The following PCDHGB1 variants were observed in gnomAD, a reference collection of about 807,000 sequenced individuals.
PCDHGB1 encodes protocadherin gamma subfamily B, 1.
A neutral mutation model predicts 56.6 loss-of-function variants in PCDHGB1; 34 were observed. That is an observed-to-expected ratio of 0.60 (90% CI 0.46 to 0.80). The LOEUF is 0.80. Among genes scored for constraint, PCDHGB1 ranks in the 30% least tolerant of loss-of-function variants. The pLI is 0.00. For missense variants in PCDHGB1, 1,278 were observed against 1,204.6 expected, an observed-to-expected ratio of 1.06 and a Z score of -0.90; for synonymous variants, 561 against 505.9, an observed-to-expected ratio of 1.11 and a Z score of -1.46.
intron 1 of PCDHGB1, chr5:141,424,778 T>G (rs1009835492): frequency 1.3e-5 from 2 of 152,166 alleles, no homozygotes; most frequent in African/African-American, 4.8e-5. Flanking sequence ...AATAGTACAT[T>G]CAGTTCTTTT....
intron 1 of PCDHGB1, chr5:141,364,669 A>T (rs1763470346): frequency 1.9e-6 from 3 of 1,613,898 alleles, no homozygotes; most frequent in Non-Finnish European, 2.5e-6. Flanking sequence ...TTGAGAACAA[A>T]ATGAAAATTT....
At chr5:141,366,698 C>T (rs749393515) in intron 1 of PCDHGB1, 1 of 1,614,236 alleles carries the variant, frequency 6.2e-7, no homozygotes, top group Non-Finnish European at 8.5e-7. Flanking sequence ...GAAAAGCGAG[C>T]CTCTTCTGAT....
intron 1 of PCDHGB1, among the ~76,000 whole-genome samples, chr5:141,380,089 G>A (rs1333618493): frequency 6.6e-6 from 1 of 151,698 alleles, no homozygotes; most frequent in Non-Finnish European, 1.5e-5. Flanking sequence ...TAGTAGAGAT[G>A]GGGTTTTACC....
intron 1 of PCDHGB1, chr5:141,371,772 C>A (rs1169459102): frequency 6.2e-7 from 1 of 1,614,022 alleles, no homozygotes; most frequent in Admixed American, 1.7e-5. Context: ...CTACACCGTG[C>A]ATGTAGCTGA....
Position 141,351,793 on chromosome 5 carries a change from C to T in PCDHGB1, c.1533C>T (p.Phe511=), listed in dbSNP as rs773058323. Residue 511 remains phenylalanine (F), a synonymous_variant, in exon 1 of 4, where the codon TTC becomes TTT. Coordinates refer to ENST00000523390, the MANE Select transcript of PCDHGB1 (RefSeq NM_018922.3). The part of the protein sequence containing the change: ...VSVSPQSGVV[F]AQRAFDHEQL... ...TGAGCCCGCAGAGCGGGGTGGTGTT[C>T]GCGCAGCGCGCCTTCGACCACGAGC... The T allele has an allele frequency of 6.2e-7, 1 of 1,613,378 alleles. No homozygotes were observed. The highest frequency in any genetic ancestry group is 1.1e-5 in the South Asian group (1 of 91,080).
At chr5:141,422,611 A>C in intron 1 of PCDHGB1, 3 of 1,613,762 alleles carry the variant, frequency 1.9e-6, no homozygotes, top group Non-Finnish European at 2.5e-6. Flanking sequence ...CTCTGCCTAC[A>C]TTCCCGAAAA....
intron 1 of PCDHGB1, chr5:141,385,616 A>G: frequency 1.8e-6 from 2 of 1,098,642 alleles, no homozygotes; most frequent in Non-Finnish European, 2.3e-6. Context: ...TATATTTTAT[A>G]CATTGGAATG....
At chr5:141,428,188 G>T in intron 1 of PCDHGB1, 1 of 1,433,356 alleles carries the variant, frequency 7.0e-7, no homozygotes. Flanking sequence ...GACAGCCGCC[G>T]CTCTCTGCGC....
At chr5:141,389,449 A>C in intron 1 of PCDHGB1, 2 of 1,610,538 alleles carry the variant, frequency 1.2e-6, no homozygotes, top group Non-Finnish European at 1.7e-6. Context: ...GACCACGAGC[A>C]GCTGCGCGCC....
At chr5:141,409,069 A>G (rs886525915) in intron 1 of PCDHGB1, 5 of 1,614,008 alleles carry the variant, frequency 3.1e-6, no homozygotes, top group Non-Finnish European at 4.2e-6. Context: ...AGAGCACAAA[A>G]CATATGTTCT....
At chr5:141,418,692 C>T in intron 1 of PCDHGB1, 5 of 1,614,032 alleles carry the variant, frequency 3.1e-6, no homozygotes, top group Non-Finnish European at 4.2e-6. Flanking sequence ...TCAGAGATCA[C>T]TTATTCCTTC....
intron 1 of PCDHGB1, chr5:141,423,907 G>C: frequency 7.9e-7 from 1 of 1,271,360 alleles, no homozygotes. Context: ...TTTCAAAGGG[G>C]CCATTCAACT....
chr5:141,423,880 G>C, intron 1 of PCDHGB1: 1 of 1,282,292 alleles, frequency 7.8e-7, no homozygotes, highest in Non-Finnish European at 9.9e-7. Context: ...TTTCAATCTT[G>C]GCATATTTTC....
intron 1 of PCDHGB1, among the ~76,000 whole-genome samples, chr5:141,381,181 G>A (rs1777044636): frequency 6.6e-6 from 1 of 152,230 alleles, no homozygotes; most frequent in African/African-American, 2.4e-5. Flanking sequence ...ACAAAACGAA[G>A]TTAAGCTTTC....
chr5:141,489,491 T>C lies in PCDHGB1; in HGVS notation c.2410-5316T>C. On this transcript the variant is annotated intron_variant, in intron 1 of 3. Transcript: ENST00000523390. This position sits in a 1 kb window ranked among gnomAD's most constrained non-coding sequence, Gnocchi z 4.5. ...TCCCTGAGCTTGATGAGTGGTGCCC[T>C]GGCAGTGAATCAAAAGATTGACCGA... The C allele has an allele frequency of 6.2e-7, 1 of 1,614,066 alleles. No individual in the cohort carries two copies. The highest frequency in any genetic ancestry group is 8.5e-7 in the Non-Finnish European group (1 of 1,180,024).
intron 1 of PCDHGB1, chr5:141,399,474 C>T (rs1282833757): frequency 6.2e-7 from 1 of 1,614,032 alleles, no homozygotes; most frequent in South Asian, 1.1e-5. Flanking sequence ...CGGTTTTCCA[C>T]CAGGCGTCCT....
intron 1 of PCDHGB1, chr5:141,415,071 G>T: frequency 6.2e-7 from 1 of 1,613,422 alleles, no homozygotes; most frequent in East Asian, 2.2e-5. Flanking sequence ...AGGTGCGCAC[G>T]GCGCGAGCCC....
intron 1 of PCDHGB1, chr5:141,440,987 A>C (rs2098217413): frequency 6.6e-6 from 1 of 152,278 alleles, no homozygotes; most frequent in African/African-American, 2.4e-5. Flanking sequence ...AACCCAGAGT[A>C]CCCATATCTA....
At chr5:141,365,868 T>A (rs778651713) in intron 1 of PCDHGB1, 9 of 1,614,024 alleles carry the variant, frequency 5.6e-6, no homozygotes, top group Non-Finnish European at 6.8e-6. Flanking sequence ...GACACCGGTG[T>A]CCTGTATGCT....
Sources: gnomAD v4.1 joint callset for allele counts (sites outside exome capture counted in the v4.1 genomes callset) on GRCh38, gnomAD v4.1.1 for gene constraint, Gnocchi (gnomAD v3.1) non-coding constraint, MANE v1.5 for transcripts, NCBI Gene and HGNC (gene_info 2026-07-23, HGNC 2026-07-21) for gene names.